The following ARHGEF7 variants were observed in gnomAD, a reference collection of about 807,000 sequenced individuals.
The protein encoded by ARHGEF7 is PAK-interacting exchange factor beta.
In ARHGEF7, 33 loss-of-function variants were observed where a neutral mutation model predicts 109.8. That is an observed-to-expected ratio of 0.30 (90% CI 0.23 to 0.40). The LOEUF (loss-of-function observed/expected upper bound fraction) is 0.40, where lower values mean the gene tolerates loss of function less well. Ranked by LOEUF, ARHGEF7 falls within the 10% of genes least tolerant of loss-of-function variation. The probability of loss-of-function intolerance (pLI) is 1.00; values close to 1 mark genes in which losing one functional copy is unlikely to be tolerated. For missense variants in ARHGEF7, 938 were observed against 1,098.5 expected, an observed-to-expected ratio of 0.85 and a Z score of 2.07; for synonymous variants, 458 against 424.6, an observed-to-expected ratio of 1.08 and a Z score of -0.97.
chr13:111,247,730 A>G (rs1470754717), intron 8 of ARHGEF7, among the ~76,000 whole-genome samples: 2 of 152,194 alleles, frequency 1.3e-5, no homozygotes, highest in African/African-American at 4.8e-5. Context: ...CTATAAACAA[A>G]GTTTCACTGG....
At chr13:111,215,161 A>G (rs994512084) in intron 4 of ARHGEF7, among the ~76,000 whole-genome samples, 1 of 152,176 alleles carries the variant, frequency 6.6e-6, no homozygotes, top group Admixed American at 6.5e-5. Flanking sequence ...CGTCATAATC[A>G]TATCAGAGTA....
chr13:111,201,240 G>C (rs2081183343), intron 2 of ARHGEF7, among the ~76,000 whole-genome samples: 1 of 152,150 alleles, frequency 6.6e-6, no homozygotes, highest in South Asian at 2.1e-4. Context: ...TCTATGGTTT[G>C]TATAGTTTAG....
At chr13:111,299,373 C>A (rs561948541) in intron 19 of ARHGEF7, among the ~76,000 whole-genome samples, 1 of 127,676 alleles carries the variant, frequency 7.8e-6, no homozygotes, top group East Asian at 2.5e-4. Flanking sequence ...GACGGAGTCT[C>A]GCTCTGTCGC....
chr13:111,178,966 C>T (rs947880052), intron 2 of ARHGEF7, among the ~76,000 whole-genome samples: 1 of 152,098 alleles, frequency 6.6e-6, no homozygotes, highest in Non-Finnish European at 1.5e-5. Context: ...CCGTCCCCCC[C>T]CTTTTTTTTT....
chr13:111,201,502 G>C (rs2081210032), intron 2 of ARHGEF7, among the ~76,000 whole-genome samples: 1 of 152,220 alleles, frequency 6.6e-6, no homozygotes, highest in Admixed American at 6.5e-5. Context: ...TCATGTAGAT[G>C]ATTCTTCTCT....
At chr13:111,296,816 T>G (rs1290322067) in intron 19 of ARHGEF7, among the ~76,000 whole-genome samples, 2 of 152,102 alleles carry the variant, frequency 1.3e-5, no homozygotes, top group African/African-American at 4.8e-5. Flanking sequence ...CTCCGAGAAG[T>G]GTAGCCCACA....
intron 1 of ARHGEF7, among the ~76,000 whole-genome samples, chr13:111,140,376 C>T (rs1046291763): frequency 1.3e-5 from 2 of 152,112 alleles, no homozygotes; most frequent in African/African-American, 4.8e-5. Flanking sequence ...GCACCTAGGG[C>T]GGTGGTGCAG....
At chr13:111,181,280 A>G (rs1236439452) in intron 2 of ARHGEF7, among the ~76,000 whole-genome samples, 1 of 152,186 alleles carries the variant, frequency 6.6e-6, no homozygotes, top group Non-Finnish European at 1.5e-5. Context: ...TTTGTGTATT[A>G]AGGGTTTCAA....
intron 2 of ARHGEF7, among the ~76,000 whole-genome samples, chr13:111,180,519 T>G (rs2078630562): frequency 6.6e-6 from 1 of 152,250 alleles, no homozygotes; most frequent in East Asian, 1.9e-4. Flanking sequence ...TAACAGCTGC[T>G]GCTTCCAGAG....
At chr13:111,174,284 A>G (rs1024309606) in intron 2 of ARHGEF7, among the ~76,000 whole-genome samples, 10 of 152,230 alleles carry the variant, frequency 6.6e-5, no homozygotes, top group African/African-American at 1.9e-4. Flanking sequence ...TGATTTTTAC[A>G]TTTAACCACA....
intron 2 of ARHGEF7, among the ~76,000 whole-genome samples, chr13:111,171,768 CCA>C (rs2077617508): frequency 6.6e-6 from 1 of 152,176 alleles, no homozygotes; most frequent in Non-Finnish European, 1.5e-5. Flanking sequence ...CCCCAAATTC[CCA>C]TGTTGAAATC....
chr13:111,277,784 T>TA, intron 13 of ARHGEF7, 111 bp downstream of exon 13: 1 of 715,796 alleles, frequency 1.4e-6, no homozygotes, highest in Non-Finnish European at 2.4e-6. Context: ...GTGCTGTGTG[T>TA]GTAGTGCTGT....
intron 2 of ARHGEF7, chr13:111,158,974 G>A (rs960221111): frequency 4.3e-5 from 31 of 716,228 alleles, no homozygotes; most frequent in East Asian, 3.5e-4. Context: ...TATTCCTCCC[G>A]TCCGACTGAA....
chr13:111,284,323 C>G (rs113720598), intron 16 of ARHGEF7, among the ~76,000 whole-genome samples: 2 of 152,090 alleles, frequency 1.3e-5, no homozygotes, highest in African/African-American at 4.8e-5. Flanking sequence ...TTTTAAGGCC[C>G]ACAGGAAAGT....
Position 111,233,191 on chromosome 13 carries a change from C to A in ARHGEF7, c.671-14C>A. ...AGTACTGATCAGTAAAACTATGTTACATTTTCATTTCAGAGAAGCCTGTGT... is the reference window on the plus strand; with the variant it reads ...AGTACTGATCAGTAAAACTATGTTAAATTTTCATTTCAGAGAAGCCTGTGT... On this transcript the variant is annotated splice_polypyrimidine_tract_variant and intron_variant, in intron 5 of 21. Transcript: ENST00000646102. The A allele has an allele frequency of 6.2e-7, 1 of 1,608,320 alleles. No individual in the cohort carries two copies. The highest frequency in any genetic ancestry group is 1.1e-5 in the South Asian group (1 of 90,972).
At chr13:111,197,054 C>T (rs2080594547) in intron 2 of ARHGEF7, among the ~76,000 whole-genome samples, 1 of 152,144 alleles carries the variant, frequency 6.6e-6, no homozygotes, top group African/African-American at 2.4e-5. Flanking sequence ...GAGTGTTTCC[C>T]ATCTGAAAGA....
intron 5 of ARHGEF7, among the ~76,000 whole-genome samples, chr13:111,220,577 A>G (rs1049052257): frequency 6.6e-6 from 1 of 152,168 alleles, no homozygotes; most frequent in East Asian, 1.9e-4. Flanking sequence ...GAATGTCGTC[A>G]GTGTCATCTG....
chr13:111,221,417 CTA>C (rs1190673556), intron 5 of ARHGEF7, among the ~76,000 whole-genome samples: 1 of 2,492 alleles, frequency 4.0e-4, no homozygotes, highest in African/African-American at 7.3e-4. Flanking sequence ...ATATAGATGT[CTA>C]TATATCTATA....
intron 2 of ARHGEF7, among the ~76,000 whole-genome samples, chr13:111,199,515 C>T (rs377505035): frequency 6.6e-6 from 1 of 152,152 alleles, no homozygotes; most frequent in African/African-American, 2.4e-5. Flanking sequence ...TGTAAGGTTA[C>T]CCTAAGGGCC....
Sources: allele counts gnomAD v4.1 joint callset (sites outside exome capture counted in the v4.1 genomes callset), GRCh38; gene constraint gnomAD v4.1.1; transcripts MANE v1.5; gene names NCBI Gene and HGNC (gene_info 2026-07-23, HGNC 2026-07-21).